CDKL4: variants seen among roughly 807,000 people sequenced by gnomAD.
The protein encoded by CDKL4 is cyclin-dependent kinase-like 4.
In CDKL4, 44 loss-of-function variants were observed where a neutral mutation model predicts 42.0. The observed-to-expected ratio is 1.05, with a 90% CI of 0.82 to 1.35. CDKL4 has a LOEUF of 1.35. CDKL4 is among the 40% of genes most tolerant of loss of function. The pLI is 0.00. For missense variants in CDKL4, 393 were observed against 369.9 expected, an observed-to-expected ratio of 1.06 and a Z score of -0.51; for synonymous variants, 120 against 121.6, an observed-to-expected ratio of 0.99 and a Z score of 0.09.
chr2:39,231,663 A>G (rs1479808216), intron 1 of CDKL4, among the ~76,000 whole-genome samples: 15 of 152,236 alleles, frequency 9.9e-5, no homozygotes, highest in Admixed American at 5.2e-4. Flanking sequence ...ATGTATTATT[A>G]TTTTAAAGAT....
chr2:39,225,774 G>C (rs1678671393), intron 3 of CDKL4, 65 bp downstream of exon 3: 1 of 1,500,934 alleles, frequency 6.7e-7, no homozygotes. Context: ...ATTTGCCATG[G>C]TTAATTCCAC....
At chr2:39,235,571 C>A (rs1204473366) in intron 1 of CDKL4, among the ~76,000 whole-genome samples, 3 of 151,968 alleles carry the variant, frequency 2.0e-5, no homozygotes, top group South Asian at 4.2e-4. Context: ...ACAGTGAGAC[C>A]CTATCTCTAC....
chr2:39,183,330 G>A (rs1377811596), intron 8 of CDKL4, among the ~76,000 whole-genome samples: 2 of 152,052 alleles, frequency 1.3e-5, no homozygotes, highest in East Asian at 1.9e-4. Context: ...TATGGGGCAG[G>A]AATCTATAAG....
intron 1 of CDKL4, among the ~76,000 whole-genome samples, chr2:39,243,109 G>C (rs1220647912): frequency 1.5e-5 from 1 of 66,736 alleles, no homozygotes; most frequent in African/African-American, 6.7e-5. Context: ...GTGAGACCCT[G>C]TCTCAAAAAA....
downstream of CDKL4, among the ~76,000 whole-genome samples, chr2:39,174,012 A>G (rs894680225): frequency 1.3e-5 from 2 of 151,808 alleles, no homozygotes; most frequent in African/African-American, 2.4e-5. Context: ...ACAAATCTGA[A>G]AAGGCATATT....
chr2:39,220,709 C>T (rs182455557), intron 3 of CDKL4, among the ~76,000 whole-genome samples: 36 of 151,770 alleles, frequency 2.4e-4, no homozygotes, highest in Admixed American at 1.9e-3. Context: ...CTCAGCCTCC[C>T]GAGTAGCTGG....
intron 5 of CDKL4, among the ~76,000 whole-genome samples, chr2:39,192,193 TG>T (rs1301998203): frequency 2.0e-5 from 3 of 152,346 alleles, no homozygotes; most frequent in Admixed American, 2.0e-4. Context: ...TTTATTTGTT[TG>T]GAACATTTTT....
At chr2:39,188,140 G>C (rs1156452478) in intron 6 of CDKL4, among the ~76,000 whole-genome samples, 1 of 152,134 alleles carries the variant, frequency 6.6e-6, no homozygotes, top group Non-Finnish European at 1.5e-5. Context: ...AGGTGTGAAA[G>C]AAATATTGTG....
chr2:39,180,066 C>G (rs1675347733), intron 8 of CDKL4, among the ~76,000 whole-genome samples: 1 of 152,114 alleles, frequency 6.6e-6, no homozygotes, highest in African/African-American at 2.4e-5. Flanking sequence ...TCCAGCCAGA[C>G]AGTGGGACTT....
intron 5 of CDKL4, among the ~76,000 whole-genome samples, chr2:39,202,925 G>A (rs1313644808): frequency 6.6e-6 from 1 of 152,184 alleles, no homozygotes; most frequent in Non-Finnish European, 1.5e-5. Flanking sequence ...CTCATGTCTT[G>A]TGGAGGTTTC....
intron 4 of CDKL4, among the ~76,000 whole-genome samples, chr2:39,211,264 G>A (rs1481940452): frequency 6.6e-6 from 1 of 152,146 alleles, no homozygotes; most frequent in East Asian, 1.9e-4. Flanking sequence ...GCATGTGCCT[G>A]TAGTCCCAGC....
chr2:39,230,518 G>C (rs960948882), intron 1 of CDKL4, among the ~76,000 whole-genome samples: 7 of 152,082 alleles, frequency 4.6e-5, no homozygotes, highest in Admixed American at 4.6e-4. Flanking sequence ...GGAAATACTG[G>C]GTTTTTCTGT....
chr2:39,171,436 G>A (rs1032122439), downstream of CDKL4, among the ~76,000 whole-genome samples: 1 of 152,030 alleles, frequency 6.6e-6, no homozygotes, highest in Non-Finnish European at 1.5e-5. Flanking sequence ...AAAGCTTCTT[G>A]AATACAACTT....
chr2:39,216,757 TG>T (rs1266641926), intron 3 of CDKL4, among the ~76,000 whole-genome samples: 1 of 152,064 alleles, frequency 6.6e-6, no homozygotes, highest in Non-Finnish European at 1.5e-5. Flanking sequence ...GTACTGGAAT[TG>T]GGAAACAAGG....
intron 5 of CDKL4, among the ~76,000 whole-genome samples, chr2:39,203,249 A>C (rs1445067760): frequency 6.6e-6 from 1 of 152,252 alleles, no homozygotes; most frequent in Non-Finnish European, 1.5e-5. Flanking sequence ...AAAATTAAAA[A>C]TATTTATACG....
intron 1 of CDKL4, among the ~76,000 whole-genome samples, chr2:39,235,268 T>G (rs1189764853): frequency 6.6e-6 from 1 of 152,160 alleles, no homozygotes; most frequent in Non-Finnish European, 1.5e-5. Flanking sequence ...AATCAAGAGT[T>G]GACTGGAAAA....
chr2:39,201,393 C>A (rs184497546), intron 5 of CDKL4, among the ~76,000 whole-genome samples: 2 of 151,196 alleles, frequency 1.3e-5, no homozygotes, highest in African/African-American at 4.9e-5. Flanking sequence ...AATACAACCA[C>A]TATGAAAAAC....
intron 3 of CDKL4, among the ~76,000 whole-genome samples, chr2:39,220,597 C>CT (rs992640366): frequency 6.7e-6 from 1 of 148,618 alleles, no homozygotes; most frequent in Non-Finnish European, 1.5e-5. Flanking sequence ...TTTTTTTTTT[C>CT]TTTTTTTTGA....
intron 3 of CDKL4, among the ~76,000 whole-genome samples, chr2:39,217,130 A>C (rs2148361725): frequency 6.6e-6 from 1 of 152,320 alleles, no homozygotes; most frequent in East Asian, 1.9e-4. Flanking sequence ...ATTCAGCCAC[A>C]GGCAGCATTT....
Sources: allele counts gnomAD v4.1 joint callset (sites outside exome capture counted in the v4.1 genomes callset), GRCh38; gene constraint gnomAD v4.1.1; transcripts MANE v1.5; gene names NCBI Gene and HGNC (gene_info 2026-07-23, HGNC 2026-07-21).